CACNB2: variants seen among roughly 807,000 people sequenced by gnomAD.
CACNB2 encodes calcium voltage-gated channel auxiliary subunit beta 2.
CACNB2 carries 42 observed loss-of-function variants against 73.3 expected under a neutral mutation model. The observed-to-expected ratio is 0.57, with a 90% confidence interval of 0.45 to 0.74. The LOEUF (loss-of-function observed/expected upper bound fraction) is 0.74. Ranked by LOEUF, CACNB2 falls within the 30% of genes least tolerant of loss-of-function variation. The pLI, the probability that CACNB2 is intolerant of heterozygous loss-of-function variation, is 0.00. For synonymous variants in CACNB2, 348 were observed against 310.3 expected, an observed-to-expected ratio of 1.12 and a Z score of -1.28; for missense variants, 940 against 853.0, an observed-to-expected ratio of 1.10 and a Z score of -1.27.
intron 2 of CACNB2, among the ~76,000 whole-genome samples, chr10:18,249,088 C>T (rs992253237): frequency 6.6e-6 from 1 of 152,186 alleles, no homozygotes; most frequent in Non-Finnish European, 1.5e-5. Flanking sequence ...AACAGTTTCT[C>T]CCATCTCCTC....
At chr10:18,482,787 C>T (rs140617837) in intron 3 of CACNB2, among the ~76,000 whole-genome samples, 26 of 152,256 alleles carry the variant, frequency 1.7e-4, no homozygotes, top group African/African-American at 6.3e-4. Flanking sequence ...GCTGGGATTA[C>T]AGGGATGAGC....
chr10:18,324,849 G>T (rs1391044598), intron 2 of CACNB2, among the ~76,000 whole-genome samples: 1 of 152,202 alleles, frequency 6.6e-6, no homozygotes, highest in Non-Finnish European at 1.5e-5. Flanking sequence ...GAGCAACAGA[G>T]CGTGACTCCA....
intron 2 of CACNB2, among the ~76,000 whole-genome samples, chr10:18,164,355 C>G (rs1250131830): frequency 6.6e-6 from 1 of 152,148 alleles, no homozygotes; most frequent in Non-Finnish European, 1.5e-5. Flanking sequence ...GCCATTCTCT[C>G]TCTGCCTCAG....
rs575688893 is a variant in CACNB2, at chr10:18,387,417, C to T, written c.214-14507C>T. ...CTGGGAACCCCAATCACTTCTTCTTCCCTCATGTCCACTGGGAGTGCTCTG... is the reference window on the plus strand; with the variant it reads ...CTGGGAACCCCAATCACTTCTTCTTTCCTCATGTCCACTGGGAGTGCTCTG... On this transcript the variant is annotated intron_variant, in intron 2 of 13. Transcript: ENST00000324631. Among the ~76,000 whole-genome samples, 34 of 152,266 alleles carry T rather than the reference C, an allele frequency of 2.2e-4. No homozygotes were observed. The South Asian group carries it at 6.6e-3, about 30-fold the overall frequency.
At chr10:18,261,399 C>T in intron 2 of CACNB2, 1 of 1,544,870 alleles carries the variant, frequency 6.5e-7, no homozygotes, top group Non-Finnish European at 8.8e-7. Context: ...CCTCTTTCAG[C>T]TGTTTTTATT....
intron 7 of CACNB2, among the ~76,000 whole-genome samples, chr10:18,516,198 G>C (rs1428704921): frequency 6.6e-6 from 1 of 151,536 alleles, no homozygotes; most frequent in African/African-American, 2.4e-5. Flanking sequence ...CTGGGCAACA[G>C]AGCTAGATAA....
At chr10:18,453,080 A>G (rs1310304709) in intron 3 of CACNB2, among the ~76,000 whole-genome samples, 2 of 151,950 alleles carry the variant, frequency 1.3e-5, no homozygotes, top group African/African-American at 2.4e-5. Context: ...ACTTTTCTCC[A>G]TCTCTGCTGC....
At chr10:18,309,705 C>A (rs561987777) in intron 2 of CACNB2, among the ~76,000 whole-genome samples, 3 of 152,164 alleles carry the variant, frequency 2.0e-5, no homozygotes, top group African/African-American at 7.2e-5. Context: ...GATCCACCCG[C>A]CTCAGCCTCC....
At chr10:18,453,777 G>A (rs2047130914) in intron 3 of CACNB2, among the ~76,000 whole-genome samples, 1 of 152,100 alleles carries the variant, frequency 6.6e-6, no homozygotes, top group Non-Finnish European at 1.5e-5. Flanking sequence ...TCACAGGCGT[G>A]CACCACCATG....
chr10:18,313,450 C>T (rs2040037629), intron 2 of CACNB2, among the ~76,000 whole-genome samples: 2 of 151,614 alleles, frequency 1.3e-5, no homozygotes, highest in Non-Finnish European at 2.9e-5. Context: ...CTGGGAAAGG[C>T]AAAATTACCA....
At chr10:18,335,931 C>A (rs551529247) in intron 2 of CACNB2, among the ~76,000 whole-genome samples, 2 of 105,254 alleles carry the variant, frequency 1.9e-5, no homozygotes, top group Non-Finnish European at 3.9e-5. Flanking sequence ...TCTCTTCAAA[C>A]CTCAGTTGCT....
chr10:18,392,984 A>T (rs1413174999), intron 2 of CACNB2, among the ~76,000 whole-genome samples: 1 of 152,108 alleles, frequency 6.6e-6, no homozygotes, highest in Middle Eastern at 3.2e-3. Context: ...CGAGGCAGGT[A>T]GATCCTCTGG....
At chr10:18,157,698 C>G (rs1333122511) in intron 2 of CACNB2, among the ~76,000 whole-genome samples, 1 of 152,150 alleles carries the variant, frequency 6.6e-6, no homozygotes, top group East Asian at 1.9e-4. Flanking sequence ...AAGTGATTGA[C>G]TCCAGATTCT....
chr10:18,384,903 C>T (rs1013531853), intron 2 of CACNB2, among the ~76,000 whole-genome samples: 2 of 152,102 alleles, frequency 1.3e-5, no homozygotes, highest in Non-Finnish European at 2.9e-5. Flanking sequence ...CAAGCAACCA[C>T]GGTGACCAGG....
chr10:18,443,296 G>C (rs1301648463), intron 3 of CACNB2, among the ~76,000 whole-genome samples: 2 of 151,902 alleles, frequency 1.3e-5, no homozygotes. Flanking sequence ...TGAAGGAAGA[G>C]GCCATTTCCA....
intron 2 of CACNB2, among the ~76,000 whole-genome samples, chr10:18,249,899 A>G (rs941188164): frequency 6.6e-5 from 10 of 152,106 alleles, no homozygotes; most frequent in African/African-American, 2.4e-4. Flanking sequence ...TTCTCCTCTG[A>G]TCCTGCTCCT....
intron 1 of CACNB2, among the ~76,000 whole-genome samples, chr10:18,148,239 A>G (rs1027334674): frequency 6.6e-6 from 1 of 152,252 alleles, no homozygotes; most frequent in Admixed American, 6.5e-5. Context: ...AGGCATGAGC[A>G]AATGAATACT....
At chr10:18,446,155 G>T (rs758708595) in intron 3 of CACNB2, among the ~76,000 whole-genome samples, 2 of 152,210 alleles carry the variant, frequency 1.3e-5, no homozygotes, top group African/African-American at 4.8e-5. Flanking sequence ...CCAGAGCTCA[G>T]ATGAGAGGAA....
chr10:18,153,061 C>T (rs1019044445), intron 2 of CACNB2, among the ~76,000 whole-genome samples: 2 of 152,054 alleles, frequency 1.3e-5, no homozygotes, highest in African/African-American at 2.4e-5. Flanking sequence ...TTTTTCTTCA[C>T]GGTAATTTTC....
Sources: gnomAD v4.1 joint callset for allele counts (sites outside exome capture counted in the v4.1 genomes callset) on GRCh38, gnomAD v4.1.1 for gene constraint, MANE v1.5 for transcripts, NCBI Gene and HGNC (gene_info 2026-07-23, HGNC 2026-07-21) for gene names.